The following MPRIP variants were observed in gnomAD, a reference collection of about 807,000 sequenced individuals.
MPRIP encodes the protein myosin phosphatase Rho interacting protein, also known as myosin phosphatase Rho-interacting protein.
MPRIP carries 59 observed loss-of-function variants against 234.9 expected under a neutral mutation model. That is an observed-to-expected ratio of 0.25 (90% CI 0.20 to 0.31). The LOEUF (loss-of-function observed/expected upper bound fraction) is 0.31, where lower values mean the gene tolerates loss of function less well. Among genes scored for constraint, MPRIP ranks in the 10% least tolerant of loss-of-function variants. MPRIP has a pLI of 1.00. For synonymous variants in MPRIP, 1,144 were observed against 1,263.9 expected (o/e 0.91, Z 2.01); for missense variants, 2,436 against 3,071.0 (o/e 0.79, Z 4.89).
rs2045980622 is a variant in MPRIP, at chr17:17,165,884, G to A, written c.4293G>A (p.Glu1431=). 1 of 1,303,872 alleles carries A rather than the reference G, an allele frequency of 7.7e-7. No individual in the cohort carries two copies. The highest frequency in any genetic ancestry group is 1.0e-6 in the Non-Finnish European group (1 of 988,782). 80.8% of individuals were successfully genotyped at this position (1,303,872 alleles called of 1,614,324 possible). The change falls in exon 16 of 24, where the codon GAG becomes GAA. Residue 1431 remains glutamate, a synonymous_variant. Transcript: ENST00000651222. ...QWAGTEAQLR[E]QLRASLLQVG... is the part of the protein sequence containing the mutation. ...CGGGCACCGAGGCCCAGCTGCGTGAGCAGCTCCGCGCCAGCCTGCTCCAGG... is the reference window on the plus strand; with the variant it reads ...CGGGCACCGAGGCCCAGCTGCGTGAACAGCTCCGCGCCAGCCTGCTCCAGG...
chr17:17,122,905 G>A (rs1288160729), intron 3 of MPRIP, among the ~76,000 whole-genome samples: 3 of 152,186 alleles, frequency 2.0e-5, no homozygotes, highest in Non-Finnish European at 4.4e-5. Flanking sequence ...GAGCACAGGA[G>A]CACTGTACAG....
intron 11 of MPRIP, among the ~76,000 whole-genome samples, chr17:17,149,201 C>A (rs944078045): frequency 6.6e-6 from 1 of 152,196 alleles, no homozygotes; most frequent in Non-Finnish European, 1.5e-5. Context: ...ATTAAAAATA[C>A]TTCCTTTGTT....
rs879470275 is a variant in MPRIP, at chr17:17,065,976, A to G, written c.124-9734A>G. Among the ~76,000 whole-genome samples, 19 of 152,194 alleles carry G rather than the reference A, an allele frequency of 1.2e-4. 1 individual carries two copies. The highest frequency in any genetic ancestry group is 2.4e-4 in the Non-Finnish European group (16 of 68,040). ...TCCGTTGCTAGCATATAGAGATACA[A>G]TTGATTTTTGTATGCTGATCCTGTA... On this transcript the variant is annotated intron_variant, in intron 1 of 23. Coordinates refer to ENST00000651222, the MANE Select transcript of MPRIP (RefSeq NM_001364716.4).
chr17:17,079,074 G>C (rs1470223627), intron 3 of MPRIP, among the ~76,000 whole-genome samples: 1 of 152,176 alleles, frequency 6.6e-6, no homozygotes, highest in Non-Finnish European at 1.5e-5. Flanking sequence ...GCAGGGGGTG[G>C]CGGGGGTGCC....
intron 3 of MPRIP, 128 bp from the exon 4 acceptor site, chr17:17,126,574 G>A: frequency 1.9e-6 from 2 of 1,077,312 alleles, no homozygotes; most frequent in East Asian, 2.5e-5. Context: ...AGAGGAGCTG[G>A]GGCTGGAGTG....
At position 17,155,535 on chromosome 17, in the gene MPRIP, C is replaced by T. The variant is rs557010239; in HGVS notation, c.1829+1120C>T. Among the ~76,000 whole-genome samples, 8 of 152,346 alleles carry T rather than the reference C, an allele frequency of 5.3e-5. No individual in the cohort carries two copies. The South Asian group carries it at 1.0e-3, about 20-fold the overall frequency. Reference sequence around the variant, plus strand: ...CTGAAATTGCAGGCATGAGCCACCACAGCCGGCCTAAAGGCACATTCTGTA... The same window carrying T: ...CTGAAATTGCAGGCATGAGCCACCATAGCCGGCCTAAAGGCACATTCTGTA... On this transcript the variant is annotated intron_variant, in intron 13 of 23. Coordinates refer to ENST00000651222, the MANE Select transcript of MPRIP (RefSeq NM_001364716.4).
At chr17:17,176,764 G>A (rs1216796253) in intron 21 of MPRIP, among the ~76,000 whole-genome samples, 2 of 152,240 alleles carry the variant, frequency 1.3e-5, no homozygotes, top group Non-Finnish European at 2.9e-5. Context: ...TGCCTTGGGA[G>A]GAATGTTCCA....
At chr17:17,058,580 G>A (rs781308586) in intron 1 of MPRIP, among the ~76,000 whole-genome samples, 4 of 152,076 alleles carry the variant, frequency 2.6e-5, no homozygotes, top group Non-Finnish European at 5.9e-5. Flanking sequence ...CCCAGGGAGG[G>A]CTCCAGGTCC....
chr17:17,070,620 A>G (rs563140298), intron 1 of MPRIP, among the ~76,000 whole-genome samples: 11 of 152,132 alleles, frequency 7.2e-5, no homozygotes, highest in South Asian at 4.2e-4. Context: ...TACAGCTTCT[A>G]TTTCTTTGCT....
In MPRIP at chr17:17,165,405, G is replaced by A; in HGVS notation, c.3814G>A (p.Ala1272Thr). ...CGAGGATGAGGACGAGGACCTGGGGGCTCCTCCGGGGGAAGAGTACGGTGA... is the reference window on the plus strand; with the variant it reads ...CGAGGATGAGGACGAGGACCTGGGGACTCCTCCGGGGGAAGAGTACGGTGA... ...RLEDEDEDLG[A>T]PPGEEYGDGS... Residue 1272 changes from alanine to threonine, a missense_variant, in exon 16 of 24, where the codon GCT (alanine) becomes ACT (threonine). Transcript: ENST00000651222. The A allele has an allele frequency of 1.5e-6, 2 of 1,304,166 alleles. No individual in the cohort carries two copies. The highest frequency in any genetic ancestry group is 2.0e-6 in the Non-Finnish European group (2 of 988,954). 80.8% of individuals were successfully genotyped at this position (1,304,166 alleles called of 1,614,324 possible).
chr17:17,150,029 G>A, intron 11 of MPRIP, 115 bp from the exon 12 acceptor site: 1 of 756,108 alleles, frequency 1.3e-6, no homozygotes, highest in Non-Finnish European at 2.3e-6. Context: ...TCACTTGTCA[G>A]TGTGTATACT....
chr17:17,077,788 T>A, intron 2 of MPRIP: 32 of 438,506 alleles, frequency 7.3e-5, no homozygotes, highest in Non-Finnish European at 1.1e-4. Flanking sequence ...TTATTAAGCC[T>A]CAATCACTCA....
chr17:17,066,823 C>CAT (rs1235922112), intron 1 of MPRIP, among the ~76,000 whole-genome samples: 1 of 131,544 alleles, frequency 7.6e-6, no homozygotes, highest in African/African-American at 2.8e-5. Flanking sequence ...GTGGTAAAAG[C>CAT]ATAGCTCACT....
intron 15 of MPRIP, 100 bp from the exon 16 acceptor site, chr17:17,164,009 C>A: frequency 1.3e-6 from 1 of 747,978 alleles, no homozygotes; most frequent in Non-Finnish European, 2.0e-6. Context: ...AAAGCCAAAG[C>A]CATCAAGGAG....
rs1214893545 is a variant in MPRIP at position 17,078,149 on chromosome 17, T to G, written c.267+73T>G. Reference sequence around the variant, plus strand: ...CCTCCATTACAGTGCCCTTGCGTTGTCATGTGAGAGCACAGCAGCCATGTG... The same window carrying G: ...CCTCCATTACAGTGCCCTTGCGTTGGCATGTGAGAGCACAGCAGCCATGTG... On this transcript the variant is annotated intron_variant, in intron 3 of 23. Coordinates refer to ENST00000651222, the MANE Select transcript of MPRIP (RefSeq NM_001364716.4). This position sits in a 1 kb window ranked among gnomAD's most constrained non-coding sequence, Gnocchi z 4.3. 8.1e-6 allele frequency: 12 copies of G among 1,486,838 alleles called. No homozygotes were observed. Among genetic ancestry groups the G allele is most frequent in the Non-Finnish European group, 9.4e-6 (10 of 1,066,962 alleles). 92.1% of individuals were successfully genotyped at this position (1,486,838 alleles called of 1,614,324 possible). A position where few individuals can be genotyped will look rare whatever the true frequency, so the allele number is the denominator to read the frequency against.
intron 2 of MPRIP, chr17:17,077,666 C>T: frequency 4.4e-6 from 1 of 228,240 alleles, no homozygotes; most frequent in Non-Finnish European, 8.8e-6. Context: ...TGACACATGT[C>T]ATGTGATGCA....
At chr17:17,057,335 C>T (rs1043331186) in intron 1 of MPRIP, among the ~76,000 whole-genome samples, 13 of 152,214 alleles carry the variant, frequency 8.5e-5, no homozygotes, top group African/African-American at 2.9e-4. Context: ...CTCAGCTGCT[C>T]GGAGGTACAC....
In MPRIP at chr17:17,176,484, T is replaced by A. The variant is rs2046256169; in HGVS notation, c.6929T>A (p.Leu2310His). 1 of 1,614,116 alleles carries A rather than the reference T, an allele frequency of 6.2e-7. No individual in the cohort carries two copies. Among genetic ancestry groups the A allele is most frequent in the East Asian group, 2.2e-5 (1 of 44,882 alleles). ...TACCTGAAACAGGAGATTAGCTCCC[T>A]CAAGGATGAGCTGCAGACGGCACTG... ...IQYLKQEISS[L>H]KDELQTALRD... Residue 2310 changes from leucine (L) to histidine (H), a missense_variant, in exon 21 of 24, where the codon CTC (leucine) becomes CAC (histidine). By Grantham distance (99) the Leu-to-His change is moderately conservative. Around this residue, in one of 4 missense-constraint regions of MPRIP, gnomAD observed 1,998 missense variants for 2,520.3 expected, o/e 0.79. Transcript: ENST00000651222.
intron 2 of MPRIP, chr17:17,075,995 G>A: frequency 1.9e-6 from 1 of 526,142 alleles, no homozygotes; most frequent in Non-Finnish European, 3.4e-6. Context: ...CCTTCAGAAT[G>A]AGGAGCTCTC....
Sources: gnomAD v4.1 joint callset for allele counts (sites outside exome capture counted in the v4.1 genomes callset) on GRCh38, gnomAD v4.1.1 for gene constraint, gnomAD v4.1.1 regional missense constraint, Gnocchi (gnomAD v3.1) non-coding constraint, MANE v1.5 for transcripts, NCBI Gene and HGNC (gene_info 2026-07-23, HGNC 2026-07-21) for gene names.